The following EIF4G3 variants were observed in gnomAD, a reference collection of about 807,000 sequenced individuals.
EIF4G3 encodes the protein eukaryotic translation initiation factor 4 gamma 3.
A neutral mutation model predicts 186.4 loss-of-function variants in EIF4G3; 34 were observed. The observed-to-expected ratio is 0.18, with a 90% confidence interval of 0.14 to 0.24. EIF4G3 has a LOEUF of 0.24. Among genes scored for constraint, EIF4G3 ranks in the 10% least tolerant of loss-of-function variants. The pLI is 1.00. For missense variants in EIF4G3, 1,536 were observed against 1,948.5 expected (o/e 0.79, Z 3.99); for synonymous variants, 673 against 679.5 (o/e 0.99, Z 0.15).
intron 20 of EIF4G3, among the ~76,000 whole-genome samples, chr1:20,871,883 GT>G (rs2079298060): frequency 6.6e-6 from 1 of 151,778 alleles, no homozygotes; most frequent in Non-Finnish European, 1.5e-5. Flanking sequence ...GAGTGCAGTG[GT>G]GCAATCTTGG....
chr1:21,137,008 T>C lies in EIF4G3; in HGVS notation c.-272+39167A>G, dbSNP rs1050274628. On this transcript the variant is annotated intron_variant, in intron 2 of 36. Coordinates refer to ENST00000602326, the MANE Select transcript of EIF4G3 (RefSeq NM_001391906.1). ...ATTTTTATATGATGTCTTAATAATA[T>C]TTTTATATATTGAGTCAAATATTAT... 3.5e-4 allele frequency among the ~76,000 whole-genome samples: 53 copies of C among 149,986 alleles called. 1 individual carries two copies. The highest frequency in any genetic ancestry group is 1.2e-3 in the African/African-American group (50 of 40,734).
intron 13 of EIF4G3, among the ~76,000 whole-genome samples, chr1:20,947,030 G>A (rs2095980810): frequency 6.6e-6 from 1 of 152,110 alleles, no homozygotes; most frequent in African/African-American, 2.4e-5. Context: ...AATTTCAAAA[G>A]GAATCTACAG....
At chr1:20,955,501 C>T (rs1465242514) in intron 12 of EIF4G3, among the ~76,000 whole-genome samples, 1 of 152,016 alleles carries the variant, frequency 6.6e-6, no homozygotes, top group Non-Finnish European at 1.5e-5. Context: ...TCCTAAAATG[C>T]GGAGATTACA....
chr1:20,899,615 A>C, intron 16 of EIF4G3, 82 bp downstream of exon 16: 1 of 1,500,886 alleles, frequency 6.7e-7, no homozygotes, highest in Non-Finnish European at 9.1e-7. Flanking sequence ...TCCATCCAGT[A>C]TCTCTCTAAA....
At chr1:20,997,682 A>C in intron 6 of EIF4G3, 49 bp from the exon 7 acceptor site, 1 of 1,473,048 alleles carries the variant, frequency 6.8e-7, no homozygotes, top group East Asian at 2.6e-5. Flanking sequence ...ACAAAGAGTC[A>C]GAAACACCAC....
intron 10 of EIF4G3, among the ~76,000 whole-genome samples, 190 bp from the exon 11 acceptor site, chr1:20,973,289 TG>T (rs763795030): frequency 6.6e-6 from 1 of 152,246 alleles, no homozygotes; most frequent in Non-Finnish European, 1.5e-5. Flanking sequence ...TCCCAAAATA[TG>T]TAATGTCTTC....
chr1:21,124,655 G>T (rs2096993952), intron 2 of EIF4G3, among the ~76,000 whole-genome samples: 1 of 152,130 alleles, frequency 6.6e-6, no homozygotes, highest in Admixed American at 6.6e-5. Context: ...ATCCCAATGT[G>T]CTGGTTTTTT....
At chr1:21,019,954 C>T (rs1384850761) in intron 4 of EIF4G3, among the ~76,000 whole-genome samples, 1 of 152,106 alleles carries the variant, frequency 6.6e-6, no homozygotes. Context: ...TTAAATAAAA[C>T]AAGAAAATAA....
intron 2 of EIF4G3, among the ~76,000 whole-genome samples, chr1:21,155,889 C>T (rs960001625): frequency 2.6e-5 from 4 of 152,008 alleles, no homozygotes; most frequent in South Asian, 4.2e-4. Context: ...CACTTTGAGA[C>T]GCTGAGGCAG....
chr1:20,819,626 C>G (rs1041920684), intron 33 of EIF4G3, among the ~76,000 whole-genome samples: 4 of 151,974 alleles, frequency 2.6e-5, no homozygotes, highest in Non-Finnish European at 5.9e-5. Context: ...TAGGTGGGAG[C>G]TAAATGGTGA....
chr1:20,871,040 C>G (rs1486146669), intron 20 of EIF4G3, among the ~76,000 whole-genome samples: 1 of 152,132 alleles, frequency 6.6e-6, no homozygotes, highest in Non-Finnish European at 1.5e-5. Context: ...TATCAATTTC[C>G]TCTATAAATC....
intron 2 of EIF4G3, among the ~76,000 whole-genome samples, chr1:21,147,418 G>A (rs2097464255): frequency 6.6e-6 from 1 of 150,976 alleles, no homozygotes; most frequent in African/African-American, 2.4e-5. Context: ...TCGGCTCACT[G>A]CAACCTCCAC....
intron 4 of EIF4G3, among the ~76,000 whole-genome samples, chr1:21,023,232 TCCC>T (rs1557569731): frequency 5.4e-5 from 1 of 18,410 alleles, no homozygotes; most frequent in Non-Finnish European, 1.2e-4. Context: ...TCCCTCTCCC[TCCC>T]CCTCCCCTCC....
chr1:21,086,388 G>A (rs1346308987), intron 3 of EIF4G3, among the ~76,000 whole-genome samples: 1 of 151,464 alleles, frequency 6.6e-6, no homozygotes, highest in Admixed American at 6.6e-5. Context: ...ACAAAGATCA[G>A]CTTAAAACCC....
chr1:20,956,617 C>A (rs200988786), intron 12 of EIF4G3, among the ~76,000 whole-genome samples: 1,332 of 114,378 alleles, frequency 0.012, no homozygotes, highest in African/African-American at 0.016. Flanking sequence ...GTATAATTTA[C>A]AAAAAAAAAA....
intron 2 of EIF4G3, among the ~76,000 whole-genome samples, chr1:21,171,310 G>A (rs180997097): frequency 4.0e-4 from 61 of 152,230 alleles, no homozygotes; most frequent in Non-Finnish European, 7.6e-4. Context: ...ACAGCACCAC[G>A]GGAGTTTATT....
intron 14 of EIF4G3, among the ~76,000 whole-genome samples, chr1:20,919,864 A>G (rs2094329605): frequency 6.6e-6 from 1 of 151,862 alleles, no homozygotes; most frequent in Non-Finnish European, 1.5e-5. Context: ...CCAAAGTCAG[A>G]ATGTTATTTT....
rs3051243 is a variant in EIF4G3, at chr1:20,863,378, T to TAAAAAAA, written c.3007-1053_3007-1047dup. ...TGAGACCCATCATCTCTACAAAAAGTAAAAAAAAAAAAAAAAAAAAAAAAT... is the reference window on the plus strand; with the variant it reads ...TGAGACCCATCATCTCTACAAAAAGTAAAAAAAAAAAAAAAAAAAAAAAAAAAAAAAT... On this transcript the variant is annotated intron_variant, in intron 22 of 36. Coordinates refer to ENST00000602326, the MANE Select transcript of EIF4G3 (RefSeq NM_001391906.1). Among the ~76,000 whole-genome samples the TAAAAAAA allele has an allele frequency of 2.9e-3, 294 of 102,466 alleles. 2 individuals are homozygous for TAAAAAAA. Among genetic ancestry groups the TAAAAAAA allele is most frequent in the Non-Finnish European group, 4.4e-3 (237 of 53,638 alleles). 67.2% of individuals were successfully genotyped at this position (102,466 alleles called of 152,430 possible). A position where few individuals can be genotyped will look rare whatever the true frequency, so the allele number is the denominator to read the frequency against.
intron 2 of EIF4G3, among the ~76,000 whole-genome samples, chr1:21,105,045 G>T (rs1232816620): frequency 6.6e-6 from 1 of 152,154 alleles, no homozygotes; most frequent in Non-Finnish European, 1.5e-5. Flanking sequence ...AGACAGCAAG[G>T]TCTACTTGAG....
Sources: gnomAD v4.1 joint callset for allele counts (sites outside exome capture counted in the v4.1 genomes callset) on GRCh38, gnomAD v4.1.1 for gene constraint, MANE v1.5 for transcripts, NCBI Gene and HGNC (gene_info 2026-07-23, HGNC 2026-07-21) for gene names.